Variants in PCDHA1 observed in about 807,000 individuals in gnomAD.
The protein encoded by PCDHA1 is protocadherin alpha-1.
In PCDHA1, 42 loss-of-function variants were observed where a neutral mutation model predicts 61.3. That is an observed-to-expected ratio of 0.69 (90% CI 0.54 to 0.89). PCDHA1 has a LOEUF of 0.89. Among genes scored for constraint, PCDHA1 ranks in the 40% least tolerant of loss-of-function variants. The pLI is 0.00. For missense variants in PCDHA1, 1,256 were observed against 1,235.3 expected (o/e 1.02, Z -0.25); for synonymous variants, 610 against 553.8 (o/e 1.10, Z -1.43).
chr5:140,819,450 C>T (rs940484263), intron 1 of PCDHA1, among the ~76,000 whole-genome samples: 2 of 151,990 alleles, frequency 1.3e-5, no homozygotes, highest in African/African-American at 4.8e-5. Flanking sequence ...ATTTTTTTCT[C>T]AAGGAAGAAC....
chr5:140,996,412 A>G (rs563756317), intron 3 of PCDHA1, among the ~76,000 whole-genome samples: 1 of 152,332 alleles, frequency 6.6e-6, no homozygotes, highest in Admixed American at 6.5e-5. Context: ...TGGGGCAGGC[A>G]GTGTGAAAAC....
At chr5:140,966,641 A>C in intron 1 of PCDHA1, 5 of 1,104,534 alleles carry the variant, frequency 4.5e-6, no homozygotes, top group Non-Finnish European at 6.0e-6. Flanking sequence ...GGCGCTTTCT[A>C]GAGCGTGAGC....
chr5:140,786,977 G>T lies in PCDHA1; in HGVS notation c.687G>T (p.Leu229=), dbSNP rs782031248. 1 of 1,614,164 alleles carries T rather than the reference G, an allele frequency of 6.2e-7. No individual in the cohort carries two copies. The highest frequency in any genetic ancestry group is 8.5e-7 in the Non-Finnish European group (1 of 1,180,020). ...KPELQGTVEL[L]ITVLDVNDNA... is the part of the protein sequence containing the mutation. Reference sequence around the variant, plus strand: ...AGCTGCAAGGTACAGTTGAGCTGCTGATCACCGTCCTCGACGTTAATGATA... The same window carrying T: ...AGCTGCAAGGTACAGTTGAGCTGCTTATCACCGTCCTCGACGTTAATGATA... The change falls in exon 1 of 4, where the codon CTG becomes CTT. Residue 229 remains leucine, a synonymous_variant. Coordinates refer to ENST00000504120, the MANE Select transcript of PCDHA1 (RefSeq NM_018900.4).
rs2098422801 is a variant in PCDHA1, at chr5:141,012,055, C to T, written c.*2118C>T. On this transcript the variant is annotated 3_prime_UTR_variant, in exon 4 of 4. Coordinates refer to ENST00000504120, the MANE Select transcript of PCDHA1 (RefSeq NM_018900.4). ...GGATTGCATGGGGTAAAACTTGTTA[C>T]CAACACATGTGAACCATTGCTACAT... The T allele has an allele frequency of 6.5e-6, 1 of 153,666 alleles. No individual in the cohort carries two copies. Among genetic ancestry groups the T allele is most frequent in the African/African-American group, 2.4e-5 (1 of 41,404 alleles). 9.5% of individuals were successfully genotyped at this position (153,666 alleles called of 1,614,324 possible).
At chr5:140,922,437 T>C (rs1462386336) in intron 1 of PCDHA1, among the ~76,000 whole-genome samples, 1 of 152,194 alleles carries the variant, frequency 6.6e-6, no homozygotes, top group African/African-American at 2.4e-5. Flanking sequence ...GGCAGAACTC[T>C]CTCATTATCC....
At chr5:141,000,414 TATATATA>T (rs1167743190) in intron 3 of PCDHA1, among the ~76,000 whole-genome samples, 31 of 99,528 alleles carry the variant, frequency 3.1e-4, no homozygotes, top group African/African-American at 9.8e-4. Context: ...TATATATATA[TATATATA>T]TTTTTTTTTT....
chr5:140,801,930 A>G, intron 1 of PCDHA1: 1 of 1,614,234 alleles, frequency 6.2e-7, no homozygotes, highest in Non-Finnish European at 8.5e-7. Flanking sequence ...GTTTGAGAGG[A>G]CGATCTATAA....
intron 1 of PCDHA1, chr5:140,871,125 G>T (rs1387416665): frequency 6.2e-7 from 1 of 1,613,330 alleles, no homozygotes; most frequent in Non-Finnish European, 8.5e-7. Context: ...GCGGACAGGC[G>T]CCAAAGGCCT....
chr5:140,788,103 G>A lies in PCDHA1; in HGVS notation c.1813G>A (p.Ala605Thr), dbSNP rs782707650. 1.9e-6 allele frequency: 3 copies of A among 1,613,988 alleles called. No homozygotes were observed. Among genetic ancestry groups the A allele is most frequent in the South Asian group, 2.2e-5 (2 of 91,080 alleles). The change falls in exon 1 of 4, where the codon GCG (alanine) becomes ACG (threonine). Residue 605 changes from alanine to threonine, a missense_variant. Ala to Thr is a moderately conservative substitution (Grantham distance 58, BLOSUM62 0). Transcript: ENST00000504120. ...RAVDADSGYN[A>T]WLSYELQPAA... ...AGTGGACGCCGACTCGGGCTACAAC[G>A]CGTGGCTGTCCTATGAACTGCAGCC...
chr5:140,826,786 A>G (rs1293254665), intron 1 of PCDHA1, among the ~76,000 whole-genome samples: 1 of 152,198 alleles, frequency 6.6e-6, no homozygotes, highest in Admixed American at 6.5e-5. Flanking sequence ...AATAACCTGC[A>G]AAAAGTTGAT....
intron 1 of PCDHA1, chr5:140,877,258 G>T (rs1206242754): frequency 1.9e-6 from 3 of 1,613,662 alleles, no homozygotes; most frequent in Non-Finnish European, 2.5e-6. Context: ...GAAAGTGCGC[G>T]CGGTGGACGC....
intron 1 of PCDHA1, chr5:140,856,196 G>T: frequency 6.3e-7 from 1 of 1,598,194 alleles, no homozygotes; most frequent in Non-Finnish European, 8.6e-7. Flanking sequence ...CATCGCGCAG[G>T]ACCTGGGGCT....
chr5:140,982,488 G>C lies in PCDHA1; in HGVS notation c.2467G>C (p.Glu823Gln), dbSNP rs782419098. 3 of 1,614,212 alleles carry C rather than the reference G, an allele frequency of 1.9e-6. No individual in the cohort carries two copies. Among genetic ancestry groups the C allele is most frequent in the Non-Finnish European group, 2.5e-6 (3 of 1,180,036 alleles). The change falls in exon 3 of 4, where the codon GAG becomes CAG. Residue 823 changes from glutamate to glutamine, a missense_variant. Glu to Gln is a conservative substitution (Grantham distance 29). Coordinates refer to ENST00000504120, the MANE Select transcript of PCDHA1 (RefSeq NM_018900.4). ...RAGMHSSVHLEEAGILRAGPG... is the reference protein window; with the variant it reads ...RAGMHSSVHLQEAGILRAGPG... The stretch of plus-strand genomic sequence containing the variant: ...GTGTTTATTCAGCTCTGTGCACCTA[G>C]AGGAGGCTGGCATTCTACGGGCTGG...
intron 1 of PCDHA1, chr5:140,876,440 T>G (rs369023443): frequency 3.7e-6 from 6 of 1,613,994 alleles, no homozygotes; most frequent in Admixed American, 1.7e-5. Flanking sequence ...GTTAACGCCA[T>G]TGATAAAGGG....
intron 1 of PCDHA1, among the ~76,000 whole-genome samples, chr5:140,888,313 G>C (rs1434881975): frequency 6.6e-6 from 1 of 152,154 alleles, no homozygotes; most frequent in Non-Finnish European, 1.5e-5. Context: ...ATTTGGCAAT[G>C]CCTGGATACA....
chr5:140,865,358 A>G (rs935527495), intron 1 of PCDHA1: 2 of 152,230 alleles, frequency 1.3e-5, no homozygotes, highest in Non-Finnish European at 2.9e-5. Flanking sequence ...TACATATTGC[A>G]GGATAACCAT....
chr5:140,877,070 T>A (rs2056830444), intron 1 of PCDHA1: 4 of 1,613,050 alleles, frequency 2.5e-6, no homozygotes, highest in Non-Finnish European at 3.4e-6. Flanking sequence ...CTGCTGCAGT[T>A]CCAGGTGAGC....
rs1554117755 is a variant in PCDHA1, at chr5:140,787,291, G to A, written c.1001G>A (p.Cys334Tyr). The change falls in exon 1 of 4, where the codon TGT (cysteine) becomes TAT (tyrosine). Residue 334 changes from cysteine to tyrosine, a missense_variant. Cys to Tyr is a radical substitution (Grantham distance 194, BLOSUM62 -2). Coordinates refer to ENST00000504120, the MANE Select transcript of PCDHA1 (RefSeq NM_018900.4). Reference protein sequence around the residue: ...DKGSPPMSNHCKVLVKVLDVN... With the variant: ...DKGSPPMSNHYKVLVKVLDVN... ...GGAAGTCCTCCGATGTCAAATCACT[G>A]TAAGGTTTTGGTGAAAGTGCTGGAT... is the stretch of plus-strand genomic sequence containing the variant. The A allele has an allele frequency of 6.2e-7, 1 of 1,614,192 alleles. No individual in the cohort carries two copies. The highest frequency in any genetic ancestry group is 2.2e-5 in the East Asian group (1 of 44,876).
intron 1 of PCDHA1, chr5:140,868,350 A>G (rs962248912): frequency 6.6e-6 from 1 of 152,186 alleles, no homozygotes; most frequent in East Asian, 1.9e-4. Flanking sequence ...ATAATCAGAA[A>G]GCAATTAAAT....
Sources: gnomAD v4.1 joint callset for allele counts (sites outside exome capture counted in the v4.1 genomes callset) on GRCh38, gnomAD v4.1.1 for gene constraint, MANE v1.5 for transcripts, NCBI Gene and HGNC (gene_info 2026-07-23, HGNC 2026-07-21) for gene names.